NOXO1: variants seen among roughly 807,000 people sequenced by gnomAD.
NOXO1 encodes the protein NADPH oxidase organizer 1.
Under a neutral mutation model 33.3 loss-of-function variants are expected in NOXO1, and 38 were observed. That is an observed-to-expected ratio of 1.14 (90% CI 0.88 to 1.50). The LOEUF is 1.50. Among genes scored for constraint, NOXO1 ranks in the 40% most tolerant of loss-of-function variants. The pLI is 0.00. For synonymous variants in NOXO1, 302 were observed against 237.3 expected (o/e 1.27, Z -2.51); for missense variants, 675 against 527.1 (o/e 1.28, Z -2.75).
rs759145419 is a variant in NOXO1, at chr16:1,979,837, G to T, written c.653C>A (p.Ala218Glu). 155 of 1,575,664 alleles carry T rather than the reference G, an allele frequency of 9.8e-5. No individual in the cohort carries two copies. The highest frequency in any genetic ancestry group is 1.3e-4 in the Non-Finnish European group (149 of 1,162,354). The change falls in exon 6 of 8, where the codon GCG becomes GAG. Residue 218 changes from alanine to glutamate, a missense_variant. Coordinates refer to ENST00000356120, the MANE Select transcript of NOXO1 (RefSeq NM_172167.3). ...AWFPAPYLEEAAPGQGREGGP... is the reference protein window; with the variant it reads ...AWFPAPYLEEEAPGQGREGGP... ...TCCCTCCCGGCCTTGGCCCGGGGCC[G>T]CCTCCTCCAGGTAGGGCGCTGGAAA...
In NOXO1 at chr16:1,980,090, A is replaced by G. The variant is rs149754946; in HGVS notation, c.493T>C (p.Cys165Arg). Residue 165 changes from cysteine (C) to arginine (R), a missense_variant, in exon 5 of 8, where the codon TGC (cysteine) becomes CGC (arginine). By Grantham distance (180) the Cys-to-Arg change is radical (BLOSUM62 -3). Coordinates refer to ENST00000356120, the MANE Select transcript of NOXO1 (RefSeq NM_172167.3). ...IHSLEAQSLR[C>R]LQPFCTQDTR... The stretch of plus-strand genomic sequence containing the variant: ...TCCTGGGTACAGAAGGGCTGCAGGC[A>G]GCGCAGGCTCTGAGCCTCCAGACTG... The G allele has an allele frequency of 1.8e-4, 290 of 1,607,586 alleles. No individual in the cohort carries two copies. Among genetic ancestry groups the G allele is most frequent in the Non-Finnish European group, 1.9e-4 (222 of 1,178,642 alleles).
chr16:1,979,199 G>T lies in NOXO1; in HGVS notation c.969C>A (p.Pro323=). 2.0e-6 allele frequency: 3 copies of T among 1,464,910 alleles called. No individual in the cohort carries two copies. The highest frequency in any genetic ancestry group is 1.8e-6 in the Non-Finnish European group (2 of 1,116,238). 90.7% of individuals were successfully genotyped at this position (1,464,910 alleles called of 1,614,324 possible). A position where few individuals can be genotyped will look rare whatever the true frequency, so the allele number is the denominator to read the frequency against. ...FPEPSQATAP[P]PTVPTRPSPG... ...GCGAAGGTCGGGTGGGCACGGTGGGGGGAGGGGCGGTGGCCTGGGAGGGTT... is the reference window on the plus strand; with the variant it reads ...GCGAAGGTCGGGTGGGCACGGTGGGTGGAGGGGCGGTGGCCTGGGAGGGTT... The change falls in exon 8 of 8, where the codon CCC becomes CCA. Residue 323 remains proline, a synonymous_variant. Coordinates refer to ENST00000356120, the MANE Select transcript of NOXO1 (RefSeq NM_172167.3).
chr16:1,979,068 G>T lies in NOXO1; in HGVS notation c.1100C>A (p.Pro367His). 1 of 1,544,734 alleles carries T rather than the reference G, an allele frequency of 6.5e-7. No individual in the cohort carries two copies. Residue 367 changes from proline to histidine, a missense_variant, in exon 8 of 8, where the codon CCC (proline) becomes CAC (histidine). Coordinates refer to ENST00000356120, the MANE Select transcript of NOXO1 (RefSeq NM_172167.3). The stretch of plus-strand genomic sequence containing the variant: ...TCCTCGCGCTCACTGCTCCGTCGTG[G>T]GGTGCGGCACAGAGTCCACGCACCC... The part of the protein sequence containing the change: ...PRGCVDSVPH[P>H]TTEQ
Position 1,981,210 on chromosome 16 carries a change from A to G in NOXO1, c.-31T>C, listed in dbSNP as rs1567332770. On this transcript the variant is annotated 5_prime_UTR_variant, in exon 1 of 8. Transcript: ENST00000356120. ...TGGCTTCCAGGCTGCAGATTCCTGA[A>G]ATGGGCGAGGACCCTTCTGCCTCCC... The G allele has an allele frequency of 6.2e-7, 1 of 1,613,020 alleles. No homozygotes were observed. Among genetic ancestry groups the G allele is most frequent in the Non-Finnish European group, 8.5e-7 (1 of 1,179,914 alleles).
chr16:1,979,257 T>A lies in NOXO1; in HGVS notation c.911A>T (p.Asp304Val), dbSNP rs760309255. 6.5e-7 allele frequency: 1 copy of A among 1,527,506 alleles called. No homozygotes were observed. Among genetic ancestry groups the A allele is most frequent in the South Asian group, 1.2e-5 (1 of 83,260 alleles). The allele number at this position is 1,527,506 out of a possible 1,614,324, so 94.6% of individuals were successfully genotyped here. ...GCCCCGGGCCTCACCCGCCGGGTCG[T>A]CTCCTCCACGGAACCCCGTCCCGCT... ...LLSGTGFRGG[D>V]DPAGEARGFP... Residue 304 changes from aspartate (D) to valine (V), a missense_variant, in exon 8 of 8, where the codon GAC (aspartate) becomes GTC (valine). Coordinates refer to ENST00000356120, the MANE Select transcript of NOXO1 (RefSeq NM_172167.3).
rs561123842 is a variant in NOXO1, at chr16:1,980,889, C to T, written c.147+50G>A. ...GGGAGGCAGTCCAGTGGGAGGCAGCCGCGTGGGGAAGCCGCCACCGCGGCA... is the reference window on the plus strand; with the variant it reads ...GGGAGGCAGTCCAGTGGGAGGCAGCTGCGTGGGGAAGCCGCCACCGCGGCA... On this transcript the variant is annotated intron_variant, in intron 2 of 7. Transcript: ENST00000356120. 131 of 1,552,672 alleles carry T rather than the reference C, an allele frequency of 8.4e-5. 2 individuals are homozygous for T. In the South Asian group the frequency reaches 1.2e-3, roughly 15 times the overall value.
At position 1,979,196 on chromosome 16, in the gene NOXO1, G is replaced by C; in HGVS notation, c.972C>G (p.Pro324=). Residue 324 remains proline, a synonymous_variant, in exon 8 of 8, where the codon CCC becomes CCG. Transcript: ENST00000356120. ...CCGGCGAAGGTCGGGTGGGCACGGT[G>C]GGGGGAGGGGCGGTGGCCTGGGAGG... ...PEPSQATAPP[P]TVPTRPSPGA... 1 of 1,461,338 alleles carries C rather than the reference G, an allele frequency of 6.8e-7. No homozygotes were observed. The highest frequency in any genetic ancestry group is 2.4e-4 in the Middle Eastern group (1 of 4,138). 90.5% of individuals were successfully genotyped at this position (1,461,338 alleles called of 1,614,324 possible). A position where few individuals can be genotyped will look rare whatever the true frequency, so the allele number is the denominator to read the frequency against.
rs1597059951 is a variant in NOXO1, at chr16:1,981,294, A to C, written c.-115T>G. 1.3e-6 allele frequency: 2 copies of C among 1,498,832 alleles called. No homozygotes were observed. The highest frequency in any genetic ancestry group is 2.4e-5 in the East Asian group (1 of 41,174). The allele number at this position is 1,498,832 out of a possible 1,614,324, so 92.8% of individuals were successfully genotyped here. ...CCCCCTGGGATAGAATCCTGGCAACACCTCAAGCCTGTGGGGTCCTTGTGG... is the reference window on the plus strand; with the variant it reads ...CCCCCTGGGATAGAATCCTGGCAACCCCTCAAGCCTGTGGGGTCCTTGTGG... On this transcript the variant is annotated 5_prime_UTR_variant, in exon 1 of 8. Transcript: ENST00000356120.
Position 1,979,326 on chromosome 16 carries a change from A to T in NOXO1, c.842T>A (p.Leu281His). The change falls in exon 8 of 8, where the codon CTC (leucine) becomes CAC (histidine). Residue 281 changes from leucine to histidine, a missense_variant. Leu to His is a moderately conservative substitution (Grantham distance 99). Transcript: ENST00000356120. ...LCRYGDRAGL[L>H]PAVLLRPEGL... ...TTCCGGCCGCAGCAGCACCGCGGGG[A>T]GTAGGCCCGCCCGGTCGCCGTACCT... is the stretch of plus-strand genomic sequence containing the variant. The T allele has an allele frequency of 6.4e-7, 1 of 1,574,194 alleles. No individual in the cohort carries two copies. The highest frequency in any genetic ancestry group is 8.6e-7 in the Non-Finnish European group (1 of 1,167,646).
chr16:1,980,860 TGATGGGAGGCAGTCC>T (rs1283443277), intron 2 of NOXO1, 64 bp downstream of exon 2: 69 of 1,475,818 alleles, frequency 4.7e-5, no homozygotes, highest in Non-Finnish European at 6.5e-5. Flanking sequence ...TGGGAGTCAC[TGATGGGAGGCAGTCC>T]AGTGGGAGGC....
In NOXO1 at chr16:1,979,758, T is replaced by A. The variant is rs528933783; in HGVS notation, c.700+32A>T. ...GTCTTGCCACACGGTCAAGCCGCAGTGGTGGCGTGAGGGGTGGGGTTAGGC... is the reference window on the plus strand; with the variant it reads ...GTCTTGCCACACGGTCAAGCCGCAGAGGTGGCGTGAGGGGTGGGGTTAGGC... On this transcript the variant is annotated intron_variant, in intron 6 of 7. Transcript: ENST00000356120. 5 of 1,450,342 alleles carry A rather than the reference T, an allele frequency of 3.4e-6. No individual in the cohort carries two copies. The South Asian group carries it at 6.4e-5, about 19-fold the overall frequency. The allele number at this position is 1,450,342 out of a possible 1,614,324, so 89.8% of individuals were successfully genotyped here. A position where few individuals can be genotyped will look rare whatever the true frequency, so the allele number is the denominator to read the frequency against.
Position 1,981,011 on chromosome 16 carries a change from G to A in NOXO1, c.75C>T (p.Ala25=), listed in dbSNP as rs1222904031. Residue 25 remains alanine, a synonymous_variant, in exon 2 of 8, where the codon GCC becomes GCT. Coordinates refer to ENST00000356120, the MANE Select transcript of NOXO1 (RefSeq NM_172167.3). ...TGCCGTCTGACCAGCGCACAGAGAA[G>A]GCAAACGTCTGGGGGACAAAAAGTT... ...LVQIKRLQTF[A]FSVRWSDGSD... 2.5e-6 allele frequency: 4 copies of A among 1,613,238 alleles called. No homozygotes were observed. The highest frequency in any genetic ancestry group is 3.3e-5 in the Admixed American group (2 of 60,012).
chr16:1,979,949 G>A (rs375617598), intron 5 of NOXO1, 46 bp from the exon 6 acceptor site: 4 of 1,578,748 alleles, frequency 2.5e-6, no homozygotes, highest in Admixed American at 3.6e-5. Flanking sequence ...AGGCTCCCTC[G>A]GGTCCAGGAG....
At chr16:1,980,586 G>C (rs1201045296) in intron 3 of NOXO1, 42 bp from the exon 4 acceptor site, 22 of 1,594,452 alleles carry the variant, frequency 1.4e-5, no homozygotes, top group Admixed American at 1.7e-5. Context: ...GCCGCTTTGG[G>C]CTTCACTGGT....
rs1182157679 is a variant in NOXO1, at chr16:1,979,911, C to G, written c.587-8G>C. 3 of 1,580,106 alleles carry G rather than the reference C, an allele frequency of 1.9e-6. No homozygotes were observed. Among genetic ancestry groups the G allele is most frequent in the South Asian group, 2.3e-5 (2 of 87,136 alleles). Reference sequence around the variant, plus strand: ...TCTCCACCAGCCACCAGCCTGTGCGCAAGAAGCGGGCAGGGACTCAAATCT... The same window carrying G: ...TCTCCACCAGCCACCAGCCTGTGCGGAAGAAGCGGGCAGGGACTCAAATCT... On this transcript the variant is annotated splice_polypyrimidine_tract_variant and splice_region_variant and intron_variant, in intron 5 of 7. Coordinates refer to ENST00000356120, the MANE Select transcript of NOXO1 (RefSeq NM_172167.3).
rs1368553387 is a variant in NOXO1 at position 1,981,220 on chromosome 16, G to T, written c.-41C>A. The T allele has an allele frequency of 1.9e-6, 3 of 1,612,212 alleles. No individual in the cohort carries two copies. Among genetic ancestry groups the T allele is most frequent in the Non-Finnish European group, 2.5e-6 (3 of 1,179,720 alleles). On this transcript the variant is annotated 5_prime_UTR_variant, in exon 1 of 8. Coordinates refer to ENST00000356120, the MANE Select transcript of NOXO1 (RefSeq NM_172167.3). ...GCTGCAGATTCCTGAAATGGGCGAG[G>T]ACCCTTCTGCCTCCCCGTGCTTGAG...
rs764692842 is a variant in NOXO1, at chr16:1,980,942, G to C, written c.144C>G (p.Leu48=). 1.2e-6 allele frequency: 2 copies of C among 1,612,390 alleles called. No homozygotes were observed. Among genetic ancestry groups the C allele is most frequent in the African/African-American group, 1.3e-5 (1 of 74,932 alleles). The part of the protein sequence containing the change: ...VRRSWDEFRQ[L]KKTLKETFPV... The stretch of plus-strand genomic sequence containing the variant: ...AGGGTGGCCCAGGGTCACTCACCTT[G>C]AGCTGCCTGAATTCGTCCCAACTCC... The change falls in exon 2 of 8, where the codon CTC becomes CTG. Residue 48 remains leucine (L), a synonymous_variant. Coordinates refer to ENST00000356120, the MANE Select transcript of NOXO1 (RefSeq NM_172167.3).
rs202013472 is a variant in NOXO1, at chr16:1,980,644, G to T, written c.223+12C>A. ...ACCGCCTTCCCCGCTCCCGTACCCA[G>T]GCTGGCCTGACCGAGAAGCTTTGGG... is the stretch of plus-strand genomic sequence containing the variant. On this transcript the variant is annotated intron_variant, in intron 3 of 7. Coordinates refer to ENST00000356120, the MANE Select transcript of NOXO1 (RefSeq NM_172167.3). 6.9e-6 allele frequency: 11 copies of T among 1,603,374 alleles called. No homozygotes were observed. The highest frequency in any genetic ancestry group is 3.4e-5 in the Admixed American group (2 of 58,784).
rs1013035617 is a variant in NOXO1, at chr16:1,980,881, G to T, written c.147+58C>A. On this transcript the variant is annotated intron_variant, in intron 2 of 7. Transcript: ENST00000356120. ...TCACTGATGGGAGGCAGTCCAGTGG[G>T]AGGCAGCCGCGTGGGGAAGCCGCCA... 13 of 1,525,382 alleles carry T rather than the reference G, an allele frequency of 8.5e-6. No individual in the cohort carries two copies. In the African/African-American group the frequency reaches 1.8e-4, roughly 21 times the overall value. 94.5% of individuals were successfully genotyped at this position (1,525,382 alleles called of 1,614,324 possible).
Sources: gnomAD v4.1 joint callset for allele counts on GRCh38, gnomAD v4.1.1 for gene constraint, MANE v1.5 for transcripts, NCBI Gene and HGNC (gene_info 2026-07-23, HGNC 2026-07-21) for gene names.